Variants in RERE observed in about 807,000 individuals in gnomAD.
The protein encoded by RERE is arginine-glutamic acid dipeptide repeats, also known as arginine-glutamic acid dipeptide repeats protein.
A neutral mutation model predicts 146.1 loss-of-function variants in RERE; 40 were observed. The ratio of observed to expected loss-of-function variants is 0.27; its 90% confidence interval spans 0.21 to 0.36. The LOEUF is 0.36. Among genes scored for constraint, RERE ranks in the 10% least tolerant of loss-of-function variants. The pLI is 1.00. For synonymous variants in RERE, 1,003 were observed against 866.0 expected, an observed-to-expected ratio of 1.16 and a Z score of -2.78; for missense variants, 1,933 against 2,138.7, an observed-to-expected ratio of 0.90 and a Z score of 1.90.
chr1:8,442,831 G>A (rs532898126), intron 11 of RERE, among the ~76,000 whole-genome samples: 47 of 152,292 alleles, frequency 3.1e-4, no homozygotes, highest in African/African-American at 1.1e-3. Flanking sequence ...ACAGTGATAC[G>A]GACAGTGAAG....
At position 8,708,595 on chromosome 1, in the gene RERE, G is replaced by C. The variant is rs145684249; in HGVS notation, c.-144-52154C>G. Among the ~76,000 whole-genome samples the C allele has an allele frequency of 3.6e-3, 543 of 152,178 alleles. 2 individuals are homozygous for C. Among genetic ancestry groups the C allele is most frequent in the Middle Eastern group, 0.01 (3 of 294 alleles). On this transcript the variant is annotated intron_variant, in intron 1 of 22. Transcript: ENST00000400908. ...CCCACCTCAGTCTCCGAAAGTGCTG[G>C]AATTACAGGCATGAACCACTGAACC... is the stretch of plus-strand genomic sequence containing the variant.
intron 1 of RERE, among the ~76,000 whole-genome samples, chr1:8,662,905 G>A (rs986841505): frequency 6.6e-6 from 1 of 152,136 alleles, no homozygotes; most frequent in African/African-American, 2.4e-5. Flanking sequence ...ATTTCACAAT[G>A]CTGCTGTTGA....
At chr1:8,730,221 T>A (rs1446870036) in intron 1 of RERE, among the ~76,000 whole-genome samples, 1 of 152,236 alleles carries the variant, frequency 6.6e-6, no homozygotes. Flanking sequence ...GGTCACTATA[T>A]GTAGATACAA....
intron 1 of RERE, among the ~76,000 whole-genome samples, chr1:8,799,682 G>A (rs1641549088): frequency 2.0e-5 from 3 of 151,972 alleles, no homozygotes. Context: ...CCGCAGCCCA[G>A]GACAGGTTTG....
At chr1:8,455,072 G>A (rs1644437634) in intron 11 of RERE, among the ~76,000 whole-genome samples, 1 of 152,056 alleles carries the variant, frequency 6.6e-6, no homozygotes, top group African/African-American at 2.4e-5. Context: ...AGGTAACTGT[G>A]CCTTCCCCAG....
intron 3 of RERE, among the ~76,000 whole-genome samples, chr1:8,618,255 A>G (rs1472495280): frequency 6.6e-6 from 1 of 152,184 alleles, no homozygotes; most frequent in East Asian, 1.9e-4. Flanking sequence ...CTTTTAATCT[A>G]AAAACAATCT....
At chr1:8,571,277 C>G (rs1646218288) in intron 4 of RERE, among the ~76,000 whole-genome samples, 1 of 152,164 alleles carries the variant, frequency 6.6e-6, no homozygotes, top group Admixed American at 6.6e-5. Context: ...TTTATAATGA[C>G]TAATATACCT....
At chr1:8,742,188 A>G (rs766674415) in intron 1 of RERE, among the ~76,000 whole-genome samples, 2 of 152,196 alleles carry the variant, frequency 1.3e-5, no homozygotes, top group Non-Finnish European at 2.9e-5. Flanking sequence ...GTAGAAAATC[A>G]ATACATCCTA....
At chr1:8,547,772 T>C (rs1645883251) in intron 6 of RERE, among the ~76,000 whole-genome samples, 1 of 152,162 alleles carries the variant, frequency 6.6e-6, no homozygotes, top group Admixed American at 6.5e-5. Context: ...GGAACACAAA[T>C]TGGTACATGC....
chr1:8,814,982 G>A (rs1641883579), intron 1 of RERE, among the ~76,000 whole-genome samples: 1 of 152,162 alleles, frequency 6.6e-6, no homozygotes, highest in East Asian at 1.9e-4. Context: ...TTGCAGAAAG[G>A]CACAACAACT....
chr1:8,356,352 TG>T lies in RERE; in HGVS notation c.4340-107del. 1 of 1,287,146 alleles carries T rather than the reference TG, an allele frequency of 7.8e-7. No homozygotes were observed. The highest frequency in any genetic ancestry group is 1.0e-6 in the Non-Finnish European group (1 of 989,954). 79.7% of individuals were successfully genotyped at this position (1,287,146 alleles called of 1,614,324 possible). ...CTTCCTCCTCACCCAGGATGGCTCC[TG>T]GTCACCAGGGCTGGATGCACCACCT... is the stretch of plus-strand genomic sequence containing the variant. On this transcript the variant is annotated intron_variant, in intron 20 of 22. Transcript: ENST00000400908. This position sits in a 1 kb window ranked among gnomAD's most constrained non-coding sequence, Gnocchi z 5.2.
intron 7 of RERE, among the ~76,000 whole-genome samples, chr1:8,515,097 G>C (rs1310379200): frequency 2.6e-5 from 4 of 152,136 alleles, no homozygotes; most frequent in African/African-American, 9.7e-5. Context: ...AGCACTACAC[G>C]TGGTGGTGCA....
intron 1 of RERE, among the ~76,000 whole-genome samples, chr1:8,726,489 C>G (rs1639972583): frequency 6.6e-6 from 1 of 152,020 alleles, no homozygotes; most frequent in South Asian, 2.1e-4. Context: ...TATTGTAAAC[C>G]AAGCAGAGAT....
intron 10 of RERE, among the ~76,000 whole-genome samples, chr1:8,484,409 T>C (rs757821113): frequency 2.6e-5 from 4 of 151,182 alleles, no homozygotes; most frequent in African/African-American, 9.7e-5. Context: ...ATATTTAATA[T>C]ATAAAAATAC....
intron 11 of RERE, among the ~76,000 whole-genome samples, chr1:8,459,221 A>G (rs1644492881): frequency 6.6e-6 from 1 of 152,194 alleles, no homozygotes; most frequent in Admixed American, 6.5e-5. Context: ...ACTTGAATCT[A>G]CATTTTTCTT....
chr1:8,672,992 CAGAT>C (rs1404735255), intron 1 of RERE, among the ~76,000 whole-genome samples: 9 of 152,184 alleles, frequency 5.9e-5, no homozygotes, highest in Admixed American at 6.5e-5. Context: ...TGACTAGAAT[CAGAT>C]GGAGGGAAGA....
chr1:8,697,034 CT>C (rs1471506774), intron 1 of RERE, among the ~76,000 whole-genome samples: 3 of 152,000 alleles, frequency 2.0e-5, no homozygotes, highest in Non-Finnish European at 4.4e-5. Context: ...ACCCAACACA[CT>C]TAAGAGTAAA....
intron 4 of RERE, among the ~76,000 whole-genome samples, chr1:8,593,133 G>A (rs1174311235): frequency 1.3e-5 from 2 of 152,108 alleles, no homozygotes; most frequent in Non-Finnish European, 1.5e-5. Flanking sequence ...CCCATTCAAC[G>A]TCCATTCTCC....
rs1269710840 is a variant in RERE, at chr1:8,564,870, G to GTGTATA, written c.523-7348_523-7347insTATACA. 2.0e-3 allele frequency among the ~76,000 whole-genome samples: 249 copies of GTGTATA among 127,392 alleles called. 1 individual carries two copies. The highest frequency in any genetic ancestry group is 0.012 in the East Asian group (58 of 4,908). 83.6% of individuals were successfully genotyped at this position (127,392 alleles called of 152,430 possible). A position where few individuals can be genotyped will look rare whatever the true frequency, so the allele number is the denominator to read the frequency against. On this transcript the variant is annotated intron_variant, in intron 4 of 22. Coordinates refer to ENST00000400908, the MANE Select transcript of RERE (RefSeq NM_001042681.2). Reference sequence around the variant, plus strand: ...TGTGTGTGTGTGTGTGTGTGTGTGTGTATATATATATATAAAACTACTATT... The same window carrying GTGTATA: ...TGTGTGTGTGTGTGTGTGTGTGTGTGTGTATATATATATATATATAAAACTACTATT...
Sources: allele counts gnomAD v4.1 joint callset (sites outside exome capture counted in the v4.1 genomes callset), GRCh38; gene constraint gnomAD v4.1.1; non-coding constraint Gnocchi (gnomAD v3.1); transcripts MANE v1.5; gene names NCBI Gene and HGNC (gene_info 2026-07-23, HGNC 2026-07-21).